WARS2: variants seen among roughly 807,000 people sequenced by gnomAD.
WARS2 encodes the protein tryptophanyl tRNA synthetase 2, mitochondrial.
In WARS2, 28 loss-of-function variants were observed where a neutral mutation model predicts 36.5. That is an observed-to-expected ratio of 0.77 (90% CI 0.57 to 1.05). The LOEUF is 1.05. Among genes scored for constraint, WARS2 ranks in the 50% least tolerant of loss-of-function variants. WARS2 has a pLI of 0.00. For missense variants in WARS2, 435 were observed against 456.8 expected (o/e 0.95, Z 0.44); for synonymous variants, 174 against 178.4 (o/e 0.98, Z 0.20).
chr1:119,043,972 C>T (rs1362456599), intron 3 of WARS2, among the ~76,000 whole-genome samples: 3 of 152,190 alleles, frequency 2.0e-5, no homozygotes, highest in African/African-American at 4.8e-5. Context: ...ATCAGATCCT[C>T]CTATAGCACT....
At chr1:119,127,121 A>T in intron 1 of WARS2, 1 of 732,880 alleles carries the variant, frequency 1.4e-6, no homozygotes, top group Non-Finnish European at 2.5e-6. Flanking sequence ...CATCAGATGC[A>T]ATTTTGATTC....
chr1:119,071,573 G>A (rs1382421306), intron 2 of WARS2, among the ~76,000 whole-genome samples: 1 of 152,146 alleles, frequency 6.6e-6, no homozygotes, highest in African/African-American at 2.4e-5. Context: ...ATTTTGTTAA[G>A]TGAAATAAGC....
intron 2 of WARS2, among the ~76,000 whole-genome samples, chr1:119,049,451 T>G (rs1204276404): frequency 6.6e-6 from 1 of 152,232 alleles, no homozygotes; most frequent in Non-Finnish European, 1.5e-5. Flanking sequence ...ACCCACTCCC[T>G]TTGCAATATC....
intron 5 of WARS2, among the ~76,000 whole-genome samples, chr1:119,033,666 C>T (rs1029899518): frequency 6.6e-6 from 1 of 152,138 alleles, no homozygotes; most frequent in Non-Finnish European, 1.5e-5. Context: ...TCTGAGCACG[C>T]TGAAGGTGGG....
chr1:119,140,313 G>A (rs2101595291), intron 1 of WARS2: 4 of 377,608 alleles, frequency 1.1e-5, no homozygotes, highest in East Asian at 4.1e-5. Flanking sequence ...CAGAACTGGA[G>A]GTGGCGGCAA....
At chr1:119,041,246 CCAGAAGCTTTCACAGT>C (rs1225409283) in intron 4 of WARS2, among the ~76,000 whole-genome samples, 1 of 152,162 alleles carries the variant, frequency 6.6e-6, no homozygotes, top group Non-Finnish European at 1.5e-5. Flanking sequence ...TCTTCTTTTC[CCAGAAGCTTTCACAGT>C]AGCATGGCCC....
intron 2 of WARS2, 81 bp from the exon 3 acceptor site, chr1:119,045,743 CTAA>C: frequency 1.7e-6 from 2 of 1,151,748 alleles, no homozygotes; most frequent in South Asian, 1.3e-5. Context: ...AAGTATTACC[CTAA>C]ATGTCTGAAA....
At chr1:119,095,387 C>T (rs921257186) in intron 1 of WARS2, among the ~76,000 whole-genome samples, 1 of 152,018 alleles carries the variant, frequency 6.6e-6, no homozygotes, top group East Asian at 1.9e-4. Flanking sequence ...AATATAAATC[C>T]ATAATTTCAA....
intron 1 of WARS2, among the ~76,000 whole-genome samples, chr1:119,096,651 T>C (rs911074331): frequency 1.3e-5 from 2 of 152,308 alleles, no homozygotes; most frequent in South Asian, 4.1e-4. Context: ...TTAAATGTTG[T>C]ACATAATTAT....
intron 1 of WARS2, among the ~76,000 whole-genome samples, chr1:119,116,271 C>G (rs1654964843): frequency 6.6e-6 from 1 of 152,104 alleles, no homozygotes; most frequent in African/African-American, 2.4e-5. Flanking sequence ...GAGGGCTCAG[C>G]ATTTGAAAGA....
chr1:119,054,681 G>T (rs746717831), intron 2 of WARS2, among the ~76,000 whole-genome samples: 12 of 152,226 alleles, frequency 7.9e-5, no homozygotes, highest in Admixed American at 2.6e-4. Context: ...CTAGATAAAT[G>T]AAATGTACAA....
At chr1:119,107,396 G>A (rs1474233984) in intron 1 of WARS2, among the ~76,000 whole-genome samples, 8 of 152,060 alleles carry the variant, frequency 5.3e-5, no homozygotes, top group Admixed American at 3.9e-4. Flanking sequence ...TGTCTCCTAC[G>A]TGGTTTATAG....
At chr1:119,083,040 C>A (rs1430292415) in intron 1 of WARS2, among the ~76,000 whole-genome samples, 1 of 152,038 alleles carries the variant, frequency 6.6e-6, no homozygotes, top group Non-Finnish European at 1.5e-5. Context: ...ACCAACCTGG[C>A]CAAAACGGTG....
chr1:119,119,066 C>CCT (rs1405982626), intron 1 of WARS2, among the ~76,000 whole-genome samples: 1 of 152,076 alleles, frequency 6.6e-6, no homozygotes, highest in East Asian at 1.9e-4. Flanking sequence ...TAAAACAGTA[C>CCT]CTCACATCTC....
intron 4 of WARS2, 97 bp from the exon 5 acceptor site, chr1:119,034,310 G>A: frequency 1.0e-6 from 1 of 993,156 alleles, no homozygotes; most frequent in Non-Finnish European, 1.6e-6. Context: ...ATATTTCACT[G>A]TTGGTATTCA....
At chr1:119,045,692 G>C in intron 2 of WARS2, 30 bp from the exon 3 acceptor site, 1 of 1,538,438 alleles carries the variant, frequency 6.5e-7, no homozygotes, top group Non-Finnish European at 8.9e-7. Flanking sequence ...CATTAGTAAA[G>C]GTGGCCAGTG....
chr1:119,121,243 C>A (rs893894235), intron 1 of WARS2, among the ~76,000 whole-genome samples: 11 of 151,982 alleles, frequency 7.2e-5, no homozygotes, highest in Admixed American at 2.0e-4. Flanking sequence ...CTGCTATACA[C>A]CAATAGCAAT....
At chr1:119,110,456 C>T (rs587602504) in intron 1 of WARS2, among the ~76,000 whole-genome samples, 23 of 152,110 alleles carry the variant, frequency 1.5e-4, no homozygotes, top group African/African-American at 4.1e-4. Context: ...TCACTCCACT[C>T]TCTTTTTGCT....
chr1:119,096,123 G>A (rs1653420492), intron 1 of WARS2, among the ~76,000 whole-genome samples: 1 of 152,110 alleles, frequency 6.6e-6, no homozygotes, highest in Non-Finnish European at 1.5e-5. Context: ...CTTTAATTAA[G>A]AGAGCCTTTC....
Sources: allele counts gnomAD v4.1 joint callset (sites outside exome capture counted in the v4.1 genomes callset), GRCh38; gene constraint gnomAD v4.1.1; transcripts MANE v1.5; gene names NCBI Gene and HGNC (gene_info 2026-07-23, HGNC 2026-07-21).